The following TFCP2L1 variants were observed in gnomAD, a reference collection of about 807,000 sequenced individuals.
The protein encoded by TFCP2L1 is transcription factor CP2 like 1.
Under a neutral mutation model 72.2 loss-of-function variants are expected in TFCP2L1, and 12 were observed. That is an observed-to-expected ratio of 0.17 (90% CI 0.11 to 0.27). The LOEUF (loss-of-function observed/expected upper bound fraction) is 0.27, where lower values mean the gene tolerates loss of function less well. TFCP2L1 is among the 10% of genes least tolerant of loss of function. TFCP2L1 has a pLI of 1.00. For missense variants in TFCP2L1, 488 were observed against 624.6 expected (o/e 0.78, Z 2.33); for synonymous variants, 260 against 251.0 (o/e 1.04, Z -0.34).
At chr2:121,279,142 T>C (rs1687206320) in intron 2 of TFCP2L1, among the ~76,000 whole-genome samples, 1 of 152,116 alleles carries the variant, frequency 6.6e-6, no homozygotes, top group South Asian at 2.1e-4. Context: ...TTGGACCCAC[T>C]CTTCAGCACC....
intron 6 of TFCP2L1, among the ~76,000 whole-genome samples, chr2:121,245,490 G>C (rs1410510391): frequency 6.6e-6 from 1 of 152,182 alleles, no homozygotes; most frequent in Non-Finnish European, 1.5e-5. Flanking sequence ...GCTCTGCCAG[G>C]AAAGACAAAC....
intron 1 of TFCP2L1, among the ~76,000 whole-genome samples, chr2:121,283,860 A>G (rs1040280470): frequency 2.0e-5 from 3 of 152,210 alleles, no homozygotes; most frequent in Admixed American, 6.5e-5. Flanking sequence ...GGTGATTAAC[A>G]TCTCCTCCTG....
chr2:121,234,771 C>T (rs909323427), intron 11 of TFCP2L1, among the ~76,000 whole-genome samples: 61 of 152,272 alleles, frequency 4.0e-4, no homozygotes, highest in African/African-American at 1.4e-3. Context: ...TGCAGAACGT[C>T]TCTGCCATGG....
At chr2:121,275,887 C>A (rs905526372) in intron 2 of TFCP2L1, among the ~76,000 whole-genome samples, 2 of 152,100 alleles carry the variant, frequency 1.3e-5, no homozygotes, top group South Asian at 4.1e-4. Context: ...GAAGTCTTAA[C>A]GGTTATAACC....
At position 121,249,191 on chromosome 2, in the gene TFCP2L1, C is replaced by A. The variant is rs959789892; in HGVS notation, c.292-104G>T. 27 of 830,428 alleles carry A rather than the reference C, an allele frequency of 3.3e-5. No individual in the cohort carries two copies. The African/African-American group carries it at 4.4e-4, about 13-fold the overall frequency. The allele number at this position is 830,428 out of a possible 1,614,324, so 51.4% of individuals were successfully genotyped here. On this transcript the variant is annotated intron_variant, in intron 3 of 14. Coordinates refer to ENST00000263707, the MANE Select transcript of TFCP2L1 (RefSeq NM_014553.3). ...AAACCCTCCCACCTTTGAGGCCCCT[C>A]CCCCTGGGGCTTCCTTTCCCAGTTC... is the stretch of plus-strand genomic sequence containing the variant.
chr2:121,239,703 TC>T lies in TFCP2L1; in HGVS notation c.769-55del, dbSNP rs971949831. On this transcript the variant is annotated intron_variant, in intron 7 of 14. Coordinates refer to ENST00000263707, the MANE Select transcript of TFCP2L1 (RefSeq NM_014553.3). ...GATCTGGAGAGGCGCTGAGCCGTGC[TC>T]CCCAGGTCCTCCCAAGCAGGCATGC... The T allele has an allele frequency of 3.3e-6, 5 of 1,535,990 alleles. No individual in the cohort carries two copies. In the African/African-American group the frequency reaches 5.5e-5, roughly 17 times the overall value.
At chr2:121,265,511 T>TCTCAC (rs1460856993) in intron 2 of TFCP2L1, among the ~76,000 whole-genome samples, 10 of 151,638 alleles carry the variant, frequency 6.6e-5, no homozygotes, top group Non-Finnish European at 2.9e-5. Flanking sequence ...TGAGACAGGG[T>TCTCAC]CTCACTCTGT....
chr2:121,278,811 C>A (rs1293187042), intron 2 of TFCP2L1, among the ~76,000 whole-genome samples: 3 of 152,022 alleles, frequency 2.0e-5, no homozygotes, highest in Non-Finnish European at 4.4e-5. Flanking sequence ...CAAGACCAGC[C>A]TGGCCAACAT....
At position 121,224,942 on chromosome 2, in the gene TFCP2L1, G is replaced by A. The variant is rs371879028; in HGVS notation, c.1394-555C>T. The stretch of plus-strand genomic sequence containing the variant: ...GGAGCTTGCAGTGAGCTGAGATCGC[G>A]CCATTGCCCTCCAGCCTGGGTGACA... On this transcript the variant is annotated intron_variant, in intron 14 of 14. Coordinates refer to ENST00000263707, the MANE Select transcript of TFCP2L1 (RefSeq NM_014553.3). Among the ~76,000 whole-genome samples the A allele has an allele frequency of 4.6e-3, 675 of 146,726 alleles. 8 individuals are homozygous for A. The highest frequency in any genetic ancestry group is 0.015 in the African/African-American group (601 of 39,288).
intron 2 of TFCP2L1, among the ~76,000 whole-genome samples, chr2:121,260,293 G>A (rs1365359754): frequency 1.5e-5 from 2 of 132,438 alleles, no homozygotes; most frequent in Admixed American, 7.1e-5. Context: ...TACACCACCG[G>A]GGTTGACTCA....
At position 121,224,193 on chromosome 2, in the gene TFCP2L1, T is replaced by C; in HGVS notation, c.*148A>G. On this transcript the variant is annotated 3_prime_UTR_variant, in exon 15 of 15. Transcript: ENST00000263707. Reference sequence around the variant, plus strand: ...CTTGGTGTCCACAGGCTTCTGCTGGTTGGTGCTCTGTAGCTTTCACAGACT... The same window carrying C: ...CTTGGTGTCCACAGGCTTCTGCTGGCTGGTGCTCTGTAGCTTTCACAGACT... 1.2e-6 allele frequency: 1 copy of C among 804,288 alleles called. No individual in the cohort carries two copies. Among genetic ancestry groups the C allele is most frequent in the South Asian group, 1.7e-5 (1 of 59,172 alleles). 49.8% of individuals were successfully genotyped at this position (804,288 alleles called of 1,614,324 possible). A position where few individuals can be genotyped will look rare whatever the true frequency, so the allele number is the denominator to read the frequency against.
Position 121,218,786 on chromosome 2 carries a change from G to A in TFCP2L1, c.*5555C>T, listed in dbSNP as rs1324472142. 6.6e-6 allele frequency: 1 copy of A among 152,410 alleles called. No individual in the cohort carries two copies. Among genetic ancestry groups the A allele is most frequent in the South Asian group, 2.1e-4 (1 of 4,828 alleles). The allele number at this position is 152,410 out of a possible 1,614,324, so 9.4% of individuals were successfully genotyped here. A position where few individuals can be genotyped will look rare whatever the true frequency, so the allele number is the denominator to read the frequency against. ...TGCAGCCCTGGCCACTAGCACAGCAGTTGCCCTCAGATCTGTTAGCTGTGA... is the reference window on the plus strand; with the variant it reads ...TGCAGCCCTGGCCACTAGCACAGCAATTGCCCTCAGATCTGTTAGCTGTGA... On this transcript the variant is annotated 3_prime_UTR_variant, in exon 15 of 15. Transcript: ENST00000263707.
intron 2 of TFCP2L1, among the ~76,000 whole-genome samples, chr2:121,266,015 G>A: frequency 6.6e-6 from 1 of 151,784 alleles, no homozygotes; most frequent in Admixed American, 6.6e-5. Flanking sequence ...ACAGATTTGT[G>A]CCACCACACC....
Position 121,249,473 on chromosome 2 carries a change from C to T in TFCP2L1, c.291+98G>A, listed in dbSNP as rs1686560666. On this transcript the variant is annotated intron_variant, in intron 3 of 14. Transcript: ENST00000263707. ...TGAGCTGAACCCGGCCTCTCCCTAA[C>T]CTTCCAGCTACCCGTGCCCAACCCC... 3.5e-5 allele frequency: 41 copies of T among 1,156,414 alleles called. No homozygotes were observed. In the South Asian group the frequency reaches 5.4e-4, roughly 15 times the overall value. 71.6% of individuals were successfully genotyped at this position (1,156,414 alleles called of 1,614,324 possible).
intron 7 of TFCP2L1, among the ~76,000 whole-genome samples, chr2:121,239,881 C>G (rs1686330205): frequency 6.6e-6 from 1 of 152,176 alleles, no homozygotes. Flanking sequence ...AGTGAAGTAC[C>G]CAAGGGGTCT....
At chr2:121,258,911 T>A (rs1444827437) in intron 2 of TFCP2L1, among the ~76,000 whole-genome samples, 1 of 152,198 alleles carries the variant, frequency 6.6e-6, no homozygotes, top group East Asian at 1.9e-4. Flanking sequence ...TATAAAAGAA[T>A]GTCCTTGTTC....
At position 121,219,554 on chromosome 2, in the gene TFCP2L1, T is replaced by G. The variant is rs1390225762; in HGVS notation, c.*4787A>C. 6.6e-6 allele frequency: 1 copy of G among 152,262 alleles called. No homozygotes were observed. Among genetic ancestry groups the G allele is most frequent in the Non-Finnish European group, 1.5e-5 (1 of 68,058 alleles). 9.4% of individuals were successfully genotyped at this position (152,262 alleles called of 1,614,324 possible). ...TGTCAAGAAGCATGCCGCCTTGCAC[T>G]GCAGGAGCACTGGTGGCACTGTGTA... On this transcript the variant is annotated 3_prime_UTR_variant, in exon 15 of 15. Coordinates refer to ENST00000263707, the MANE Select transcript of TFCP2L1 (RefSeq NM_014553.3).
At chr2:121,267,245 T>A (rs551766998) in intron 2 of TFCP2L1, among the ~76,000 whole-genome samples, 4 of 152,168 alleles carry the variant, frequency 2.6e-5, no homozygotes, top group African/African-American at 9.6e-5. Context: ...ACAGATAGGG[T>A]CTTGCAATGT....
chr2:121,265,394 G>T (rs1257704689), intron 2 of TFCP2L1, among the ~76,000 whole-genome samples: 1 of 152,154 alleles, frequency 6.6e-6, no homozygotes, highest in African/African-American at 2.4e-5. Context: ...TAGTTGTGAT[G>T]GCTAAGTATA....
Sources: gnomAD v4.1 joint callset for allele counts (sites outside exome capture counted in the v4.1 genomes callset) on GRCh38, gnomAD v4.1.1 for gene constraint, MANE v1.5 for transcripts, NCBI Gene and HGNC (gene_info 2026-07-23, HGNC 2026-07-21) for gene names.